Variants in TOM1L1 observed in about 807,000 individuals in gnomAD.
TOM1L1 encodes the protein target of myb1 like 1 membrane trafficking protein, also known as TOM1-like protein 1.
TOM1L1 carries 64 observed loss-of-function variants against 63.4 expected under a neutral mutation model. The ratio of observed to expected loss-of-function variants is 1.01; its 90% CI spans 0.83 to 1.24. The LOEUF (loss-of-function observed/expected upper bound fraction) is 1.24, where lower values mean the gene tolerates loss of function less well. TOM1L1 is among the 50% of genes most tolerant of loss of function. The pLI, the probability that TOM1L1 is intolerant of heterozygous loss-of-function variation, is 0.00. For synonymous variants in TOM1L1, 166 were observed against 194.4 expected, an observed-to-expected ratio of 0.85 and a Z score of 1.22; for missense variants, 536 against 567.0, an observed-to-expected ratio of 0.95 and a Z score of 0.55.
chr17:54,947,117 TTA>T, intron 11 of TOM1L1, 142 bp from the exon 12 acceptor site: 1 of 754,046 alleles, frequency 1.3e-6, no homozygotes, highest in Non-Finnish European at 2.2e-6. Flanking sequence ...ACCAATTGTT[TTA>T]TAAACAGTTA....
chr17:54,953,467 C>G (rs748943277), intron 14 of TOM1L1: 5 of 152,300 alleles, frequency 3.3e-5, no homozygotes, highest in Non-Finnish European at 5.9e-5. Context: ...AGGCAGGGAG[C>G]CCCATGTCCC....
At chr17:54,952,401 G>A (rs1039074594) in intron 14 of TOM1L1, 2 of 151,960 alleles carry the variant, frequency 1.3e-5, no homozygotes, top group African/African-American at 4.8e-5. Flanking sequence ...ACAAAAATTA[G>A]GCAGGTGTGG....
chr17:54,909,667 T>C (rs1057242686), intron 3 of TOM1L1, among the ~76,000 whole-genome samples: 2 of 152,158 alleles, frequency 1.3e-5, no homozygotes, highest in Admixed American at 1.3e-4. Context: ...GAGGGAGATA[T>C]TATGTCCATT....
chr17:54,900,854 T>C lies in TOM1L1; in HGVS notation c.-12T>C. 6.2e-7 allele frequency: 1 copy of C among 1,613,180 alleles called. No individual in the cohort carries two copies. The highest frequency in any genetic ancestry group is 1.3e-5 in the African/African-American group (1 of 75,036). On this transcript the variant is annotated 5_prime_UTR_variant, in exon 1 of 16. Coordinates refer to ENST00000575882, the MANE Select transcript of TOM1L1 (RefSeq NM_005486.3). ...GAGGCGGATTTCCTGGGCCCGGCCCTCTGGCGCTACCATGGCGTTTGGCAA... is the reference window on the plus strand; with the variant it reads ...GAGGCGGATTTCCTGGGCCCGGCCCCCTGGCGCTACCATGGCGTTTGGCAA...
intron 8 of TOM1L1, among the ~76,000 whole-genome samples, chr17:54,936,183 G>C (rs2048943211): frequency 6.6e-6 from 1 of 151,780 alleles, no homozygotes; most frequent in South Asian, 2.1e-4. Context: ...GAATATTTTG[G>C]AAAATTACTT....
intron 2 of TOM1L1, among the ~76,000 whole-genome samples, chr17:54,904,239 G>A (rs1455268482): frequency 9.2e-5 from 14 of 151,974 alleles, no homozygotes; most frequent in Non-Finnish European, 5.9e-5. Context: ...GCATGGTGGC[G>A]GGTGCCTGTA....
At chr17:54,926,984 A>G (rs146119129) in intron 7 of TOM1L1, among the ~76,000 whole-genome samples, 111 of 152,366 alleles carry the variant, frequency 7.3e-4, no homozygotes, top group African/African-American at 2.6e-3. Context: ...CAAGGCAGCA[A>G]CCAAGTCCTG....
chr17:54,950,183 G>C, intron 14 of TOM1L1, 57 bp downstream of exon 14: 2 of 1,325,314 alleles, frequency 1.5e-6, no homozygotes, highest in Non-Finnish European at 2.2e-6. Flanking sequence ...TTTGATAGCA[G>C]AGCTAACAGG....
At chr17:54,945,238 T>TA (rs1203126681) in intron 11 of TOM1L1, among the ~76,000 whole-genome samples, 1 of 152,218 alleles carries the variant, frequency 6.6e-6, no homozygotes, top group East Asian at 1.9e-4. Flanking sequence ...ACCCAGATAA[T>TA]ACAGGATGGT....
intron 7 of TOM1L1, chr17:54,916,443 T>C (rs530925469): frequency 6.6e-6 from 1 of 152,470 alleles, no homozygotes; most frequent in East Asian, 1.9e-4. Flanking sequence ...GCATGAGTAG[T>C]TCTACAGCCC....
At chr17:54,937,250 C>A in intron 10 of TOM1L1, 24 bp downstream of exon 10, 1 of 1,523,304 alleles carries the variant, frequency 6.6e-7, no homozygotes, top group Non-Finnish European at 9.1e-7. Context: ...CAGGTCTTTT[C>A]AGACCAGCAG....
chr17:54,915,917 A>C (rs2048580773), intron 7 of TOM1L1, 55 bp downstream of exon 7: 1 of 1,397,624 alleles, frequency 7.2e-7, no homozygotes, highest in South Asian at 1.2e-5. Flanking sequence ...GTTATTCTCT[A>C]AACTTTGAGT....
At chr17:54,949,433 T>C (rs2143957573) in intron 12 of TOM1L1, 85 bp from the exon 13 acceptor site, 5 of 979,484 alleles carry the variant, frequency 5.1e-6, no homozygotes, top group Non-Finnish European at 8.0e-6. Context: ...CTTGGAACAA[T>C]GTACTTGCAA....
chr17:54,936,718 T>G lies in TOM1L1; in HGVS notation c.915+9T>G. ...AGAAGGAAGCCACCAATGTAAGTGATGAGAAATGTTATAAAATAAACAATT... is the reference window on the plus strand; with the variant it reads ...AGAAGGAAGCCACCAATGTAAGTGAGGAGAAATGTTATAAAATAAACAATT... On this transcript the variant is annotated intron_variant, in intron 9 of 15. Coordinates refer to ENST00000575882, the MANE Select transcript of TOM1L1 (RefSeq NM_005486.3). 1 of 1,600,110 alleles carries G rather than the reference T, an allele frequency of 6.2e-7. No homozygotes were observed. The highest frequency in any genetic ancestry group is 8.5e-7 in the Non-Finnish European group (1 of 1,175,590).
intron 1 of TOM1L1, among the ~76,000 whole-genome samples, chr17:54,903,210 T>A (rs1335552695): frequency 1.3e-5 from 2 of 152,216 alleles, no homozygotes; most frequent in African/African-American, 4.8e-5. Flanking sequence ...AAATTATTTT[T>A]AAAAACAAAC....
At chr17:54,943,308 G>A (rs1598047983) in intron 11 of TOM1L1, among the ~76,000 whole-genome samples, 2 of 151,846 alleles carry the variant, frequency 1.3e-5, no homozygotes, top group Non-Finnish European at 2.9e-5. Flanking sequence ...GTAGAGTTTA[G>A]GTCTACTGTT....
chr17:54,955,207 T>C (rs899407765), intron 14 of TOM1L1: 4 of 152,190 alleles, frequency 2.6e-5, no homozygotes, highest in Non-Finnish European at 5.9e-5. Flanking sequence ...CCTGGGAAGC[T>C]GAGAGGATAA....
chr17:54,958,775 A>G (rs1301584242), intron 14 of TOM1L1, among the ~76,000 whole-genome samples: 1 of 149,850 alleles, frequency 6.7e-6, no homozygotes, highest in African/African-American at 2.4e-5. Context: ...AGAGGATACT[A>G]AGGCATTTAC....
chr17:54,949,390 TA>T (rs2049174393), intron 12 of TOM1L1, 127 bp from the exon 13 acceptor site: 1 of 653,170 alleles, frequency 1.5e-6, no homozygotes, highest in African/African-American at 1.8e-5. Context: ...AAGTAATAAT[TA>T]AAAACAACTT....
Sources: allele counts gnomAD v4.1 joint callset (sites outside exome capture counted in the v4.1 genomes callset), GRCh38; gene constraint gnomAD v4.1.1; transcripts MANE v1.5; gene names NCBI Gene and HGNC (gene_info 2026-07-23, HGNC 2026-07-21).